ZNF518A: variants seen among roughly 807,000 people sequenced by gnomAD.
ZNF518A encodes zinc finger protein 518.
A neutral mutation model predicts 102.7 loss-of-function variants in ZNF518A; 47 were observed. The observed-to-expected ratio is 0.46, with a 90% confidence interval of 0.36 to 0.58. The LOEUF (loss-of-function observed/expected upper bound fraction) is 0.58. Ranked by LOEUF, ZNF518A falls within the 20% of genes least tolerant of loss-of-function variation. ZNF518A has a pLI of 0.00. For missense variants in ZNF518A, 1,793 were observed against 1,699.8 expected (o/e 1.05, Z -0.96); for synonymous variants, 652 against 594.6 (o/e 1.10, Z -1.40).
intron 1 of ZNF518A, among the ~76,000 whole-genome samples, chr10:96,186,455 T>C (rs1554892576): frequency 6.6e-6 from 1 of 152,162 alleles, no homozygotes; most frequent in Non-Finnish European, 1.5e-5. Context: ...TGGAGTGCAG[T>C]GGCACGATCT....
rs782113565 is a variant in ZNF518A, at chr10:96,158,448, C to A, written c.2126C>A (p.Thr709Asn). 4 of 1,612,530 alleles carry A rather than the reference C, an allele frequency of 2.5e-6. No individual in the cohort carries two copies. The Admixed American group carries it at 5.0e-5, about 20-fold the overall frequency. Reference protein sequence around the residue: ...SISLLNDKDGTLKAKSEIEEQ... With the variant: ...SISLLNDKDGNLKAKSEIEEQ... ...AGCCTTTTAAATGATAAAGATGGAACTTTAAAAGCAAAATCTGAAATTGAA... is the reference window on the plus strand; with the variant it reads ...AGCCTTTTAAATGATAAAGATGGAAATTTAAAAGCAAAATCTGAAATTGAA... Residue 709 changes from threonine to asparagine, a missense_variant, in exon 6 of 6, where the codon ACT (threonine) becomes AAT (asparagine). Thr to Asn is a moderately conservative substitution (Grantham distance 65). Transcript: ENST00000316045.
intron 1 of ZNF518A, among the ~76,000 whole-genome samples, chr10:96,189,169 G>C (rs1324201702): frequency 6.6e-6 from 1 of 152,070 alleles, no homozygotes; most frequent in Non-Finnish European, 1.5e-5. Flanking sequence ...CCAAGCAAAG[G>C]GTGAAGTTCC....
downstream of ZNF518A, among the ~76,000 whole-genome samples, chr10:96,167,463 G>A (rs1762620216): frequency 6.6e-6 from 1 of 152,116 alleles, no homozygotes; most frequent in Admixed American, 6.6e-5. Flanking sequence ...AAATAAATAA[G>A]TAAACCCAAA....
rs182244265 is a variant in ZNF518A, at chr10:96,136,572, C to G, written c.-302+2924C>G. 1.3e-5 allele frequency among the ~76,000 whole-genome samples: 2 copies of G among 151,800 alleles called. 1 individual carries two copies. Among genetic ancestry groups the G allele is most frequent in the African/African-American group, 4.8e-5 (2 of 41,428 alleles). On this transcript the variant is annotated intron_variant, in intron 3 of 5. Coordinates refer to ENST00000316045, the MANE Select transcript of ZNF518A (RefSeq NM_001330736.2). ...AGCTGGCTTATGCCTGTAGTCCCAG[C>G]ACATTGAGCAGCTGAGCTGGGAGGA...
intron 3 of ZNF518A, chr10:96,135,393 G>C (rs2081547712): frequency 1.3e-5 from 2 of 152,226 alleles, no homozygotes; most frequent in Non-Finnish European, 2.9e-5. Flanking sequence ...TTGGATTGCA[G>C]CAGAAAGTGT....
intron 1 of ZNF518A, among the ~76,000 whole-genome samples, chr10:96,196,518 G>A (rs1199722270): frequency 1.3e-5 from 2 of 152,048 alleles, no homozygotes; most frequent in Admixed American, 1.3e-4. Context: ...ATCCTTCCCT[G>A]GTAACCTACC....
intron 1 of ZNF518A, among the ~76,000 whole-genome samples, chr10:96,194,302 G>A (rs981752824): frequency 6.6e-6 from 1 of 152,130 alleles, no homozygotes; most frequent in Admixed American, 6.5e-5. Context: ...ACCAAAGATT[G>A]GTCTTGATTA....
In ZNF518A at chr10:96,157,481, G is replaced by A. The variant is rs781935298; in HGVS notation, c.1159G>A (p.Glu387Lys). The change falls in exon 6 of 6, where the codon GAA becomes AAA. Residue 387 changes from glutamate to lysine, a missense_variant. Coordinates refer to ENST00000316045, the MANE Select transcript of ZNF518A (RefSeq NM_001330736.2). ...CTGTGAGAATAATGATAAAGCCCCT[G>A]AATCAGAGTCAGAGAAGCCAACTCC... ...LHCENNDKAPESESEKPTPLS... is the reference protein window; with the variant it reads ...LHCENNDKAPKSESEKPTPLS... The A allele has an allele frequency of 1.2e-6, 2 of 1,613,778 alleles. No individual in the cohort carries two copies. Among genetic ancestry groups the A allele is most frequent in the East Asian group, 4.5e-5 (2 of 44,882 alleles).
chr10:96,172,181 A>G (rs984648326), intron 1 of ZNF518A, among the ~76,000 whole-genome samples: 3 of 136,530 alleles, frequency 2.2e-5, no homozygotes, highest in Admixed American at 1.5e-4. Flanking sequence ...GAAAGACATT[A>G]CATGAAAGTA....
chr10:96,153,037 A>G (rs1466127630), intron 3 of ZNF518A, among the ~76,000 whole-genome samples: 1 of 152,200 alleles, frequency 6.6e-6, no homozygotes, highest in African/African-American at 2.4e-5. Context: ...ATTCAGTCCA[A>G]GTCCAAACGC....
chr10:96,190,922 G>C (rs954409492), intron 1 of ZNF518A, among the ~76,000 whole-genome samples: 4 of 152,264 alleles, frequency 2.6e-5, no homozygotes, highest in Non-Finnish European at 4.4e-5. Context: ...TAGCTTTGCT[G>C]TCATTCCACT....
At chr10:96,142,003 AAGTGCTGGGATTATAGGCCTGAGCC>A (rs1208967936) in intron 3 of ZNF518A, among the ~76,000 whole-genome samples, 3 of 152,114 alleles carry the variant, frequency 2.0e-5, no homozygotes, top group Non-Finnish European at 4.4e-5. Context: ...CTGCCTCCCA[AAGTGCTGGGATTATAGGCCTGAGCC>A]ACCATGCCCA....
rs940561871 is a variant in ZNF518A at position 96,156,831 on chromosome 10, G to A, written c.509G>A (p.Arg170Gln). ...TTTCAGGTATTTAAACAACACAGAC[G>A]AACCCATAGAAGCACTTTAGTAAAA... ...NDFQVFKQHRRTHRSTLVKCD... is the reference protein window; with the variant it reads ...NDFQVFKQHRQTHRSTLVKCD... Residue 170 changes from arginine (R) to glutamine (Q), a missense_variant, in exon 6 of 6, where the codon CGA (arginine) becomes CAA (glutamine). By Grantham distance (43) the Arg-to-Gln change is conservative. Around this residue, in one of 3 missense-constraint regions of ZNF518A, gnomAD observed 1,741 missense variants for 1,622.6 expected, o/e 1.07. Transcript: ENST00000316045. 17 of 1,613,660 alleles carry A rather than the reference G, an allele frequency of 1.1e-5. No homozygotes were observed. Among genetic ancestry groups the A allele is most frequent in the Non-Finnish European group, 1.4e-5 (16 of 1,179,794 alleles).
chr10:96,152,436 C>T (rs2082494894), intron 3 of ZNF518A, among the ~76,000 whole-genome samples: 1 of 152,284 alleles, frequency 6.6e-6, no homozygotes, highest in East Asian at 1.9e-4. Context: ...TATGTTGAGA[C>T]GTTCACAACA....
intron 1 of ZNF518A, among the ~76,000 whole-genome samples, chr10:96,184,554 C>A (rs1463750655): frequency 6.6e-6 from 1 of 152,140 alleles, no homozygotes; most frequent in Non-Finnish European, 1.5e-5. Flanking sequence ...TTCTCCTTCA[C>A]TTATGAAGCT....
intron 1 of ZNF518A, among the ~76,000 whole-genome samples, chr10:96,175,714 G>A (rs12569434): frequency 0.31 from 46,602 of 151,976 alleles, 8,265 homozygotes; most frequent in East Asian, 0.66. Flanking sequence ...TTTTAGAAGA[G>A]TTCCATGTTG....
At chr10:96,170,815 ATGT>A (rs2083168846) in intron 1 of ZNF518A, among the ~76,000 whole-genome samples, 1 of 152,224 alleles carries the variant, frequency 6.6e-6, no homozygotes, top group African/African-American at 2.4e-5. Context: ...TTGGGAAGAA[ATGT>A]TGTATATCAT....
intron 1 of ZNF518A, among the ~76,000 whole-genome samples, chr10:96,131,622 T>A (rs587773287): frequency 6.6e-6 from 1 of 152,336 alleles, no homozygotes; most frequent in East Asian, 1.9e-4. Flanking sequence ...ACCAAATGTT[T>A]CCTGTTTGTT....
chr10:96,181,395 G>A (rs1258799543), intron 1 of ZNF518A, among the ~76,000 whole-genome samples: 3 of 152,096 alleles, frequency 2.0e-5, no homozygotes, highest in Non-Finnish European at 4.4e-5. Context: ...ATTGCTTTTG[G>A]TGTTTTAGTC....
Sources: allele counts gnomAD v4.1 joint callset (sites outside exome capture counted in the v4.1 genomes callset), GRCh38; gene constraint gnomAD v4.1.1; regional missense constraint gnomAD v4.1.1; transcripts MANE v1.5; gene names NCBI Gene and HGNC (gene_info 2026-07-23, HGNC 2026-07-21).